Variants in DNAH5 observed in about 807,000 individuals in gnomAD.
DNAH5 encodes the protein dynein axonemal heavy chain 5.
Under a neutral mutation model 518.2 loss-of-function variants are expected in DNAH5, and 372 were observed. That is an observed-to-expected ratio of 0.72 (90% CI 0.66 to 0.78). The LOEUF (loss-of-function observed/expected upper bound fraction) is 0.78. Ranked by LOEUF, DNAH5 falls within the 30% of genes least tolerant of loss-of-function variation. The probability of loss-of-function intolerance (pLI) is 0.00; values close to 1 mark genes in which losing one functional copy is unlikely to be tolerated. For missense variants in DNAH5, 5,523 were observed against 5,687.0 expected (o/e 0.97, Z 0.93); for synonymous variants, 2,039 against 2,025.9 (o/e 1.01, Z -0.17).
At position 13,735,159 on chromosome 5, in the gene DNAH5, C is replaced by T; in HGVS notation, c.11733G>A (p.Lys3911=). The T allele has an allele frequency of 1.9e-6, 3 of 1,614,086 alleles. No individual in the cohort carries two copies. The highest frequency in any genetic ancestry group is 1.7e-6 in the Non-Finnish European group (2 of 1,179,992). Residue 3911 remains lysine, a synonymous_variant, in exon 68 of 79, where the codon AAG becomes AAA. Transcript: ENST00000265104. ...TAATAAGAGTGAGAAACTCTTCATG[C>T]TTGACTCGGTTCCTCTGGATGTCAA... The part of the protein sequence containing the change: ...LKIDIQRNRV[K]HEEFLTLIKG...
Position 13,770,648 on chromosome 5 carries a change from C to CA in DNAH5, c.9605+100dup, listed in dbSNP as rs138234449. On this transcript the variant is annotated intron_variant, in intron 56 of 78. Transcript: ENST00000265104. Reference sequence around the variant, plus strand: ...GCCCTGCCGCCACAGCTATGATACACAAAATGTCTCCGGTCATTGCAAAAT... The same window carrying CA: ...GCCCTGCCGCCACAGCTATGATACACAAAAATGTCTCCGGTCATTGCAAAAT... The CA allele has an allele frequency of 0.64, 680,994 of 1,059,000 alleles. 221,476 individuals carry two copies. The highest frequency in any genetic ancestry group is 0.72 in the African/African-American group (45,700 of 63,680). 65.6% of individuals were successfully genotyped at this position (1,059,000 alleles called of 1,614,324 possible). A position where few individuals can be genotyped will look rare whatever the true frequency, so the allele number is the denominator to read the frequency against.
At position 13,770,849 on chromosome 5, in the gene DNAH5, G is replaced by A. The variant is rs768495886; in HGVS notation, c.9505C>T (p.Arg3169Cys). 29 of 1,613,880 alleles carry A rather than the reference G, an allele frequency of 1.8e-5. No individual in the cohort carries two copies. Among genetic ancestry groups the A allele is most frequent in the South Asian group, 9.9e-5 (9 of 91,078 alleles). The change falls in exon 56 of 79, where the codon CGT (arginine) becomes TGT (cysteine). Residue 3169 changes from arginine to cysteine, a missense_variant. By Grantham distance (180) the Arg-to-Cys change is radical. Around this residue, in one of 3 missense-constraint regions of DNAH5, gnomAD observed 5,121 missense variants for 5,223.3 expected, o/e 0.98. Transcript: ENST00000265104. ...KCVDYFQRFRRSTHVTPKSYL... is the reference protein window; with the variant it reads ...KCVDYFQRFRCSTHVTPKSYL... ...GATTTGGGCGTCACGTGGGTAGAAC[G>A]TCGGAATCTCTGAAAATAATCAACA...
At position 13,940,737 on chromosome 5, in the gene DNAH5, T is replaced by C. The variant is rs544285567; in HGVS notation, c.57+3645A>G. Among the ~76,000 whole-genome samples the C allele has an allele frequency of 3.3e-5, 5 of 152,314 alleles. No homozygotes were observed. In the South Asian group the frequency reaches 6.2e-4, roughly 19 times the overall value. On this transcript the variant is annotated intron_variant, in intron 1 of 78. Transcript: ENST00000265104. ...AGTATGACCGAGTTCTCACTTGAGG[T>C]AGAAACTTAACAGAGAAAGCCCAAG...
At position 13,859,541 on chromosome 5, in the gene DNAH5, T is replaced by C. The variant is rs754133112; in HGVS notation, c.4861A>G (p.Ile1621Val). The change falls in exon 30 of 79, where the codon ATC becomes GTC. Residue 1621 changes from isoleucine (I) to valine (V), a missense_variant. Physicochemically the swap from Ile to Val is conservative, Grantham distance 29. Transcript: ENST00000265104. ...TGCACCGTCATCCAGCTCTCGATGATGTCTGTTGAGTTGGAAAGGTACTGC... is the reference window on the plus strand; with the variant it reads ...TGCACCGTCATCCAGCTCTCGATGACGTCTGTTGAGTTGGAAAGGTACTGC... Reference protein sequence around the residue: ...WVQYLSNSTDIIESWMTVQNL... With the variant: ...WVQYLSNSTDVIESWMTVQNL... 10 of 1,613,878 alleles carry C rather than the reference T, an allele frequency of 6.2e-6. No individual in the cohort carries two copies. The highest frequency in any genetic ancestry group is 3.3e-5 in the Admixed American group (2 of 59,980).
At chr5:13,727,455 A>C in intron 70 of DNAH5, 52 bp downstream of exon 70, 1 of 1,511,590 alleles carries the variant, frequency 6.6e-7, no homozygotes, top group African/African-American at 1.4e-5. Flanking sequence ...TTTAAAAGAA[A>C]ATTCTCTTTA....
rs2126810830 is a variant in DNAH5 at position 13,776,608 on chromosome 5, C to T, written c.9204G>A (p.Glu3068=). The change falls in exon 55 of 79, where the codon GAG becomes GAA. Residue 3068 remains glutamate (E), a synonymous_variant. Coordinates refer to ENST00000265104, the MANE Select transcript of DNAH5 (RefSeq NM_001369.3). Reference sequence around the variant, plus strand: ...GACTCATGAAGTAGTCGTGCAGGTTCTCATTGGTAGGAAGGCACCTGGGGA... The same window carrying T: ...GACTCATGAAGTAGTCGTGCAGGTTTTCATTGGTAGGAAGGCACCTGGGGA... ...KEFPRCLPTN[E]NLHDYFMSRV... is the part of the protein sequence containing the mutation. 4 of 1,613,916 alleles carry T rather than the reference C, an allele frequency of 2.5e-6. No individual in the cohort carries two copies. Among genetic ancestry groups the T allele is most frequent in the Non-Finnish European group, 2.5e-6 (3 of 1,179,852 alleles).
At chr5:13,951,201 T>C (rs1351107659) in intron 1 of DNAH5, among the ~76,000 whole-genome samples, 4 of 138,096 alleles carry the variant, frequency 2.9e-5, no homozygotes, top group African/African-American at 7.9e-5. Flanking sequence ...TTTTTTTTGT[T>C]TTTTTCGTTT....
intron 31 of DNAH5, 25 bp from the exon 32 acceptor site, chr5:13,845,018 C>T (rs765873555): frequency 2.7e-6 from 4 of 1,491,650 alleles, no homozygotes. Context: ...AAAACATAAA[C>T]CTTTATAACC....
chr5:13,948,582 A>T (rs1332588581), upstream of DNAH5, among the ~76,000 whole-genome samples: 1 of 152,218 alleles, frequency 6.6e-6, no homozygotes, highest in Non-Finnish European at 1.5e-5. Flanking sequence ...GTGAAAAATT[A>T]TCTTGGAGAC....
In DNAH5 at chr5:13,793,569, A is replaced by T. The variant is rs753702337; in HGVS notation, c.8170T>A (p.Phe2724Ile). The part of the protein sequence containing the change: ...NDIPQRLKRQ[F>I]SIFNCTLPSE... The stretch of plus-strand genomic sequence containing the variant: ...GGCAACGTGCAATTAAATATAGAGA[A>T]CTGCCTCTTGAGTCTTTGGGGTATG... Residue 2724 changes from phenylalanine (F) to isoleucine (I), a missense_variant, in exon 49 of 79, where the codon TTC (phenylalanine) becomes ATC (isoleucine). By Grantham distance (21) the Phe-to-Ile change is conservative. Around this residue, in one of 3 missense-constraint regions of DNAH5, gnomAD observed 5,121 missense variants for 5,223.3 expected, o/e 0.98. Transcript: ENST00000265104. 3 of 1,613,648 alleles carry T rather than the reference A, an allele frequency of 1.9e-6. No individual in the cohort carries two copies. In the Admixed American group the frequency reaches 5.0e-5, roughly 27 times the overall value.
chr5:13,887,905 A>C (rs1772653398), intron 17 of DNAH5, among the ~76,000 whole-genome samples: 1 of 152,010 alleles, frequency 6.6e-6, no homozygotes, highest in Non-Finnish European at 1.5e-5. Context: ...CTGGCCCCTA[A>C]TGCTACTCGG....
chr5:13,967,882 T>C (rs1050691753), intron 1 of DNAH5, among the ~76,000 whole-genome samples: 7 of 151,016 alleles, frequency 4.6e-5, no homozygotes, highest in Non-Finnish European at 8.9e-5. Flanking sequence ...GGGAATTGCA[T>C]TGAATTTGTA....
At chr5:13,808,306 A>G (rs940515095) in intron 46 of DNAH5, among the ~76,000 whole-genome samples, 1 of 151,626 alleles carries the variant, frequency 6.6e-6, no homozygotes, top group East Asian at 1.9e-4. Context: ...GAAGGCAGCC[A>G]TCTACCAGCC....
At chr5:13,838,579 C>T (rs139523798) in intron 35 of DNAH5, among the ~76,000 whole-genome samples, 2 of 152,170 alleles carry the variant, frequency 1.3e-5, no homozygotes, top group Admixed American at 6.5e-5. Flanking sequence ...TCTCCCATCA[C>T]CCCCAGATGG....
At chr5:13,880,103 A>AG (rs1346884181) in intron 21 of DNAH5, among the ~76,000 whole-genome samples, 1 of 152,234 alleles carries the variant, frequency 6.6e-6, no homozygotes, top group African/African-American at 2.4e-5. Flanking sequence ...GACTATCAGT[A>AG]GATTTCTTAG....
chr5:13,792,262 A>C, intron 49 of DNAH5, 45 bp from the exon 50 acceptor site: 1 of 1,536,360 alleles, frequency 6.5e-7, no homozygotes. Context: ...CATTCAAAGA[A>C]ATTAAATGAA....
At chr5:13,974,567 A>C (rs1373839773) in intron 1 of DNAH5, among the ~76,000 whole-genome samples, 1 of 152,186 alleles carries the variant, frequency 6.6e-6, no homozygotes, top group African/African-American at 2.4e-5. Context: ...AGGGATGGTG[A>C]AAAGAGATTT....
chr5:13,910,900 A>G (rs376304953), intron 12 of DNAH5, among the ~76,000 whole-genome samples: 4 of 152,328 alleles, frequency 2.6e-5, no homozygotes, highest in East Asian at 3.9e-4. Context: ...TGAGCAGGTG[A>G]AAGAAGGAAG....
chr5:13,829,897 GT>G, intron 37 of DNAH5, 128 bp downstream of exon 37: 1 of 890,196 alleles, frequency 1.1e-6, no homozygotes, highest in Non-Finnish European at 1.7e-6. Context: ...ACACCAAAAG[GT>G]TTTCAAAAGG....
Sources: gnomAD v4.1 joint callset for allele counts (sites outside exome capture counted in the v4.1 genomes callset) on GRCh38, gnomAD v4.1.1 for gene constraint, gnomAD v4.1.1 regional missense constraint, MANE v1.5 for transcripts, NCBI Gene and HGNC (gene_info 2026-07-23, HGNC 2026-07-21) for gene names.